Variants in CNTN5 observed in about 807,000 individuals in gnomAD.
CNTN5 encodes contactin-5.
Under a neutral mutation model 129.1 loss-of-function variants are expected in CNTN5, and 77 were observed. The observed-to-expected ratio is 0.60, with a 90% CI of 0.50 to 0.72. The LOEUF (loss-of-function observed/expected upper bound fraction) is 0.72, where lower values mean the gene tolerates loss of function less well. Among genes scored for constraint, CNTN5 ranks in the 30% least tolerant of loss-of-function variants. CNTN5 has a pLI of 0.00. For synonymous variants in CNTN5, 509 were observed against 465.6 expected, an observed-to-expected ratio of 1.09 and a Z score of -1.20; for missense variants, 1,478 against 1,328.8, an observed-to-expected ratio of 1.11 and a Z score of -1.75.
At chr11:99,831,077 C>T (rs1947124601) in intron 4 of CNTN5, among the ~76,000 whole-genome samples, 1 of 152,100 alleles carries the variant, frequency 6.6e-6, no homozygotes, top group Admixed American at 6.6e-5. Flanking sequence ...GTTTGGCATC[C>T]TGTGAATCTT....
chr11:99,885,508 A>G (rs1183668183), intron 6 of CNTN5, among the ~76,000 whole-genome samples: 1 of 152,180 alleles, frequency 6.6e-6, no homozygotes, highest in Non-Finnish European at 1.5e-5. Flanking sequence ...CAAAATTGTA[A>G]ATAAGCAAAA....
intron 3 of CNTN5, among the ~76,000 whole-genome samples, chr11:99,565,116 T>G (rs1240236115): frequency 2.0e-5 from 3 of 152,152 alleles, no homozygotes; most frequent in East Asian, 3.8e-4. Flanking sequence ...TAAAGAACAA[T>G]AACCCAAAAT....
At chr11:99,338,108 A>C (rs975132590) in intron 2 of CNTN5, among the ~76,000 whole-genome samples, 1 of 152,168 alleles carries the variant, frequency 6.6e-6, no homozygotes, top group African/African-American at 2.4e-5. Flanking sequence ...CATTTACATT[A>C]GCATTATAAG....
chr11:99,678,758 C>G (rs917272627), intron 3 of CNTN5, among the ~76,000 whole-genome samples: 2 of 152,076 alleles, frequency 1.3e-5, no homozygotes, highest in African/African-American at 4.8e-5. Flanking sequence ...GCACAGAGTT[C>G]TGTGGCATGG....
intron 1 of CNTN5, among the ~76,000 whole-genome samples, chr11:99,309,010 C>T (rs1864989094): frequency 6.6e-6 from 1 of 152,010 alleles, no homozygotes; most frequent in South Asian, 2.1e-4. Context: ...ATTGTATTCT[C>T]TGTAAAAATA....
intron 1 of CNTN5, among the ~76,000 whole-genome samples, chr11:99,224,092 T>A (rs534559123): frequency 6.6e-6 from 1 of 152,278 alleles, no homozygotes; most frequent in African/African-American, 2.4e-5. Context: ...ATTGGAACAA[T>A]ACTTTAAGAT....
chr11:99,160,752 A>G (rs1226637172), intron 1 of CNTN5, among the ~76,000 whole-genome samples: 1 of 152,190 alleles, frequency 6.6e-6, no homozygotes, highest in Non-Finnish European at 1.5e-5. Context: ...AAAGATGAGT[A>G]AGACACAGAA....
chr11:99,815,913 G>A lies in CNTN5; in HGVS notation c.56-3631G>A, dbSNP rs1946571587. 2.0e-5 allele frequency among the ~76,000 whole-genome samples: 3 copies of A among 152,092 alleles called. 1 individual carries two copies. Among genetic ancestry groups the A allele is most frequent in the Admixed American group, 2.0e-4 (3 of 15,270 alleles). ...ATAGACTGATTTTAACACCCTTTCAGTTTCTGCACCTTGCATCTATTTCTT... is the reference window on the plus strand; with the variant it reads ...ATAGACTGATTTTAACACCCTTTCAATTTCTGCACCTTGCATCTATTTCTT... On this transcript the variant is annotated intron_variant, in intron 3 of 24. Coordinates refer to ENST00000524871, the MANE Select transcript of CNTN5 (RefSeq NM_014361.4).
chr11:100,113,231 T>C (rs1945712847), intron 13 of CNTN5, among the ~76,000 whole-genome samples: 1 of 151,696 alleles, frequency 6.6e-6, no homozygotes, highest in African/African-American at 2.4e-5. Context: ...TTTTCAGTTT[T>C]ACTGAAATTA....
At chr11:100,246,488 T>G (rs1214098200) in intron 16 of CNTN5, among the ~76,000 whole-genome samples, 2 of 152,148 alleles carry the variant, frequency 1.3e-5, no homozygotes, top group African/African-American at 4.8e-5. Flanking sequence ...GCTCTAGTCA[T>G]AGAAGTTGAA....
At chr11:99,788,048 A>T (rs142611932) in intron 3 of CNTN5, among the ~76,000 whole-genome samples, 1 of 151,810 alleles carries the variant, frequency 6.6e-6, no homozygotes, top group African/African-American at 2.4e-5. Flanking sequence ...TGTTCTTGGC[A>T]CCCCTCACAT....
intron 8 of CNTN5, among the ~76,000 whole-genome samples, chr11:99,957,763 G>A (rs1278516251): frequency 6.6e-6 from 1 of 152,014 alleles, no homozygotes; most frequent in Non-Finnish European, 1.5e-5. Flanking sequence ...TTTTTCATAT[G>A]CTTGGTTTTA....
At chr11:99,415,980 C>T (rs752114530) in intron 2 of CNTN5, among the ~76,000 whole-genome samples, 2 of 152,152 alleles carry the variant, frequency 1.3e-5, no homozygotes, top group Middle Eastern at 3.4e-3. Flanking sequence ...TACACAAAAC[C>T]GAACAATATA....
At chr11:99,888,991 C>T (rs1415714688) in intron 6 of CNTN5, among the ~76,000 whole-genome samples, 2 of 39,384 alleles carry the variant, frequency 5.1e-5, no homozygotes, top group Non-Finnish European at 4.5e-5. Flanking sequence ...AGGGAGGGTT[C>T]AGTTATTTAA....
chr11:99,900,258 T>C (rs780170303), intron 6 of CNTN5, among the ~76,000 whole-genome samples: 8 of 151,962 alleles, frequency 5.3e-5, no homozygotes, highest in Non-Finnish European at 1.2e-4. Context: ...TACCTTTCAT[T>C]TGTTCTTGTT....
intron 9 of CNTN5, among the ~76,000 whole-genome samples, chr11:100,021,066 A>C (rs1341352321): frequency 6.6e-6 from 1 of 152,068 alleles, no homozygotes; most frequent in African/African-American, 2.4e-5. Flanking sequence ...TTATTTTATG[A>C]ATTTTTTTAA....
At chr11:100,051,877 T>A (rs149959030) in intron 9 of CNTN5, among the ~76,000 whole-genome samples, 60 of 152,004 alleles carry the variant, frequency 3.9e-4, no homozygotes, top group African/African-American at 1.4e-3. Flanking sequence ...ATAATTCTTA[T>A]AACTGGCACA....
intron 1 of CNTN5, among the ~76,000 whole-genome samples, chr11:99,109,654 G>T (rs1157856771): frequency 6.6e-6 from 1 of 151,978 alleles, no homozygotes. Context: ...AGAGGTAATA[G>T]AACCATCGGC....
intron 3 of CNTN5, among the ~76,000 whole-genome samples, chr11:99,768,676 C>G (rs1345417229): frequency 1.3e-5 from 2 of 152,062 alleles, no homozygotes; most frequent in African/African-American, 4.8e-5. Context: ...GTTATGCAGA[C>G]AATGATACAC....
Sources: gnomAD v4.1 joint callset for allele counts (sites outside exome capture counted in the v4.1 genomes callset) on GRCh38, gnomAD v4.1.1 for gene constraint, MANE v1.5 for transcripts, NCBI Gene and HGNC (gene_info 2026-07-23, HGNC 2026-07-21) for gene names.